FARS2: variants seen among roughly 807,000 people sequenced by gnomAD.
The protein encoded by FARS2 is phenylalanine--tRNA ligase, mitochondrial.
In FARS2, 40 loss-of-function variants were observed where a neutral mutation model predicts 46.4. The ratio of observed to expected loss-of-function variants is 0.86; its 90% CI spans 0.67 to 1.12. The LOEUF is 1.12. Ranked by LOEUF, FARS2 falls within the 50% of genes most tolerant of loss-of-function variation. The pLI is 0.00. For missense variants in FARS2, 513 were observed against 567.9 expected (o/e 0.90, Z 0.98); for synonymous variants, 234 against 214.9 (o/e 1.09, Z -0.78).
intron 5 of FARS2, among the ~76,000 whole-genome samples, chr6:5,549,427 C>T (rs1044937215): frequency 5.9e-5 from 9 of 152,104 alleles, no homozygotes; most frequent in African/African-American, 7.2e-5. Flanking sequence ...TGAGAACATG[C>T]GGTATTTGGT....
intron 6 of FARS2, among the ~76,000 whole-genome samples, chr6:5,709,094 G>A (rs1758941069): frequency 6.6e-6 from 1 of 152,212 alleles, no homozygotes; most frequent in African/African-American, 2.4e-5. Context: ...GGTCATTTAT[G>A]GTTGCTTCGC....
chr6:5,649,445 G>A (rs1561776626), intron 6 of FARS2, among the ~76,000 whole-genome samples: 1 of 152,208 alleles, frequency 6.6e-6, no homozygotes, highest in Non-Finnish European at 1.5e-5. Context: ...CTGGAACCCT[G>A]AGGCAAGCTT....
At chr6:5,687,579 C>T (rs11966167) in intron 6 of FARS2, among the ~76,000 whole-genome samples, 2,263 of 152,234 alleles carry the variant, frequency 0.015, 55 homozygotes, top group African/African-American at 0.052. Context: ...GGTACCAATA[C>T]CATGCTGTTT....
At position 5,343,784 on chromosome 6, in the gene FARS2, CTAA is replaced by C. The variant is rs1757051104; in HGVS notation, c.-21-24763_-21-24761del. Among the ~76,000 whole-genome samples, 1 of 152,160 alleles carries C rather than the reference CTAA, an allele frequency of 6.6e-6. No homozygotes were observed. Among genetic ancestry groups the C allele is most frequent in the African/African-American group, 2.4e-5 (1 of 41,424 alleles). The stretch of plus-strand genomic sequence containing the variant: ...TTTGTCTTGGTAGCTGTCTACTGTA[CTAA>C]TATTCATGCCTCTCTGCCCAAGTCT... On this transcript the variant is annotated intron_variant, in intron 1 of 6. Coordinates refer to ENST00000274680, the MANE Select transcript of FARS2 (RefSeq NM_006567.5). The surrounding 1 kb of genome is among the most constrained non-coding windows in gnomAD (Gnocchi z 4.5).
intron 4 of FARS2, among the ~76,000 whole-genome samples, chr6:5,444,636 C>T (rs1377520380): frequency 6.6e-6 from 1 of 151,960 alleles, no homozygotes; most frequent in Non-Finnish European, 1.5e-5. Flanking sequence ...TATGGTATTC[C>T]CAGTTCCTAG....
intron 4 of FARS2, among the ~76,000 whole-genome samples, chr6:5,497,348 A>G (rs185018404): frequency 6.6e-6 from 1 of 152,342 alleles, no homozygotes; most frequent in Admixed American, 6.5e-5. Flanking sequence ...GGAGCAGGCC[A>G]GGGGCCAGCA....
intron 4 of FARS2, among the ~76,000 whole-genome samples, chr6:5,454,688 G>A (rs923623442): frequency 2.0e-5 from 3 of 152,044 alleles, no homozygotes; most frequent in Non-Finnish European, 4.4e-5. Flanking sequence ...TCTCGGTCCC[G>A]ATAATCTCCG....
chr6:5,294,507 C>T (rs1056690028), intron 1 of FARS2, among the ~76,000 whole-genome samples: 1 of 152,146 alleles, frequency 6.6e-6, no homozygotes, highest in Admixed American at 6.5e-5. Flanking sequence ...CACTCTCTAC[C>T]CAGAGATAGT....
rs1765798985 is a variant in FARS2, at chr6:5,471,403, G to C, written c.904+40231G>C. On this transcript the variant is annotated intron_variant, in intron 4 of 6. Coordinates refer to ENST00000274680, the MANE Select transcript of FARS2 (RefSeq NM_006567.5). The surrounding 1 kb of genome is among the most constrained non-coding windows in gnomAD (Gnocchi z 4.1). ...AGGAATCCTTCTCTTACCTTTTCTT[G>C]CTCTGGCTAATATCCCAACTAGCCC... Among the ~76,000 whole-genome samples the C allele has an allele frequency of 6.6e-6, 1 of 152,138 alleles. No individual in the cohort carries two copies. Among genetic ancestry groups the C allele is most frequent in the Admixed American group, 6.5e-5 (1 of 15,278 alleles).
intron 5 of FARS2, among the ~76,000 whole-genome samples, chr6:5,604,374 T>C (rs1437165504): frequency 6.6e-6 from 1 of 152,044 alleles, no homozygotes; most frequent in Non-Finnish European, 1.5e-5. Context: ...CACAGGTCAG[T>C]TTCCCCCCCA....
At chr6:5,276,633 A>G (rs1766354148) in intron 1 of FARS2, among the ~76,000 whole-genome samples, 2 of 152,310 alleles carry the variant, frequency 1.3e-5, no homozygotes, top group South Asian at 4.1e-4. Flanking sequence ...TGCATCCTCA[A>G]CACCTTCTGC....
chr6:5,463,325 T>C (rs1233214950), intron 4 of FARS2, among the ~76,000 whole-genome samples: 1 of 152,234 alleles, frequency 6.6e-6, no homozygotes, highest in Non-Finnish European at 1.5e-5. Flanking sequence ...CTTGTGGCCT[T>C]GCTAAAGTTG....
chr6:5,424,339 G>C (rs920372211), intron 3 of FARS2, among the ~76,000 whole-genome samples: 3 of 152,188 alleles, frequency 2.0e-5, no homozygotes, highest in Non-Finnish European at 4.4e-5. Context: ...ACTCAACAGG[G>C]TATTTAGTCA....
At chr6:5,642,704 C>T (rs1195637244) in intron 6 of FARS2, among the ~76,000 whole-genome samples, 2 of 152,098 alleles carry the variant, frequency 1.3e-5, no homozygotes, top group Non-Finnish European at 2.9e-5. Flanking sequence ...TTCCAGTATT[C>T]GATAAGAGAA....
Position 5,368,829 on chromosome 6 carries a change from T to G in FARS2, c.259T>G (p.Trp87Gly), listed in dbSNP as rs773187294. The change falls in exon 2 of 7, where the codon TGG becomes GGG. Residue 87 changes from tryptophan (W) to glycine (G), a missense_variant. Trp to Gly is a radical substitution (Grantham distance 184). Transcript: ENST00000274680. Reference protein sequence around the residue: ...NLHNQQHHPLWLIKERVKEHF... With the variant: ...NLHNQQHHPLGLIKERVKEHF... ...GCACAACCAGCAGCATCACCCTCTGTGGCTGATCAAGGAGAGGGTGAAGGA... is the reference window on the plus strand; with the variant it reads ...GCACAACCAGCAGCATCACCCTCTGGGGCTGATCAAGGAGAGGGTGAAGGA... 3 of 1,614,004 alleles carry G rather than the reference T, an allele frequency of 1.9e-6. No homozygotes were observed. The African/African-American group carries it at 4.0e-5, about 22-fold the overall frequency.
At chr6:5,526,522 A>T (rs1330955831) in intron 4 of FARS2, among the ~76,000 whole-genome samples, 1 of 152,218 alleles carries the variant, frequency 6.6e-6, no homozygotes, top group Non-Finnish European at 1.5e-5. Context: ...TGTGACAAGA[A>T]ATAGAGCACT....
At chr6:5,706,406 G>A (rs560653556) in intron 6 of FARS2, among the ~76,000 whole-genome samples, 10 of 152,266 alleles carry the variant, frequency 6.6e-5, no homozygotes, top group East Asian at 1.9e-4. Context: ...TAGTATGCTC[G>A]TGGTCAGTAG....
intron 5 of FARS2, among the ~76,000 whole-genome samples, chr6:5,600,711 T>C (rs1774461824): frequency 6.6e-6 from 1 of 152,226 alleles, no homozygotes; most frequent in Non-Finnish European, 1.5e-5. Context: ...CTGGAAGTGC[T>C]TATGACTCAA....
chr6:5,630,994 A>G lies in FARS2; in HGVS notation c.1217+17674A>G, dbSNP rs541951792. ...AGGGGAATCTGTTCACCTGCTACCT[A>G]GAATTGCCTCCTCCAAAGGAGAAAC... On this transcript the variant is annotated intron_variant, in intron 6 of 6. Transcript: ENST00000274680. The surrounding 1 kb of genome is among the most constrained non-coding windows in gnomAD (Gnocchi z 4.2). 6.6e-6 allele frequency among the ~76,000 whole-genome samples: 1 copy of G among 152,328 alleles called. No homozygotes were observed. Among genetic ancestry groups the G allele is most frequent in the South Asian group, 2.1e-4 (1 of 4,828 alleles).
Sources: gnomAD v4.1 joint callset for allele counts (sites outside exome capture counted in the v4.1 genomes callset) on GRCh38, gnomAD v4.1.1 for gene constraint, Gnocchi (gnomAD v3.1) non-coding constraint, MANE v1.5 for transcripts, NCBI Gene and HGNC (gene_info 2026-07-23, HGNC 2026-07-21) for gene names.